KPNA3: variants seen among roughly 807,000 people sequenced by gnomAD.
The protein encoded by KPNA3 is importin subunit alpha-4.
A neutral mutation model predicts 73.8 loss-of-function variants in KPNA3; 13 were observed. The ratio of observed to expected loss-of-function variants is 0.18; its 90% confidence interval spans 0.11 to 0.28. The LOEUF (loss-of-function observed/expected upper bound fraction) is 0.28, where lower values mean the gene tolerates loss of function less well. KPNA3 is among the 10% of genes least tolerant of loss of function. KPNA3 has a pLI of 1.00. For missense variants in KPNA3, 360 were observed against 618.1 expected (o/e 0.58, Z 4.43); for synonymous variants, 186 against 206.9 (o/e 0.90, Z 0.87).
At chr13:49,787,813 G>C (rs933338630) in intron 1 of KPNA3, among the ~76,000 whole-genome samples, 1 of 152,022 alleles carries the variant, frequency 6.6e-6, no homozygotes, top group Non-Finnish European at 1.5e-5. Flanking sequence ...CCGTGTAGCT[G>C]GGACTACAGG....
intron 2 of KPNA3, among the ~76,000 whole-genome samples, chr13:49,738,216 T>A (rs970877152): frequency 6.6e-6 from 1 of 152,230 alleles, no homozygotes; most frequent in Non-Finnish European, 1.5e-5. Context: ...TGTTCCATGG[T>A]CTATGTCTTT....
At chr13:49,702,763 G>A (rs1954159500) in intron 15 of KPNA3, among the ~76,000 whole-genome samples, 1 of 152,210 alleles carries the variant, frequency 6.6e-6, no homozygotes, top group African/African-American at 2.4e-5. Flanking sequence ...ACAGAGGGAA[G>A]CTGTGGCATA....
intron 9 of KPNA3, among the ~76,000 whole-genome samples, chr13:49,720,729 C>CAAAAAA (rs10707385): frequency 3.4e-5 from 3 of 88,002 alleles, no homozygotes; most frequent in African/African-American, 1.3e-4. Flanking sequence ...GAGACTGTCT[C>CAAAAAA]AAAAAAAAAA....
intron 1 of KPNA3, among the ~76,000 whole-genome samples, chr13:49,761,763 T>C (rs572507770): frequency 1.3e-5 from 2 of 148,814 alleles, no homozygotes; most frequent in South Asian, 4.3e-4. Context: ...GGAGCGCCTC[T>C]TCCCGGCTGC....
At chr13:49,718,941 T>G (rs1027143807) in intron 10 of KPNA3, among the ~76,000 whole-genome samples, 1 of 149,350 alleles carries the variant, frequency 6.7e-6, no homozygotes, top group Non-Finnish European at 1.5e-5. Context: ...TATACACATA[T>G]GTATGTACAT....
intron 1 of KPNA3, among the ~76,000 whole-genome samples, chr13:49,787,165 ATAT>A (rs1374312892): frequency 9.9e-5 from 15 of 152,220 alleles, no homozygotes; most frequent in Admixed American, 9.8e-4. Flanking sequence ...GAGAAAATAT[ATAT>A]TAGCCCTGGT....
chr13:49,752,936 A>T (rs1954676943), intron 1 of KPNA3, among the ~76,000 whole-genome samples: 1 of 144,894 alleles, frequency 6.9e-6, no homozygotes, highest in East Asian at 2.3e-4. Context: ...CTGAGGCAGG[A>T]GAATGGCATG....
chr13:49,764,121 T>G (rs1954790904), intron 1 of KPNA3, among the ~76,000 whole-genome samples: 2 of 44,890 alleles, frequency 4.5e-5, no homozygotes, highest in African/African-American at 1.1e-4. Context: ...CTGTTGGGTT[T>G]GTTTTGTTTT....
At chr13:49,727,667 T>C (rs1219674821) in intron 6 of KPNA3, among the ~76,000 whole-genome samples, 1 of 152,024 alleles carries the variant, frequency 6.6e-6, no homozygotes, top group Non-Finnish European at 1.5e-5. Context: ...TGGATTTCAA[T>C]TTTTTTGCAC....
chr13:49,721,976 C>T lies in KPNA3; in HGVS notation c.705G>A (p.Pro235=), dbSNP rs758249475. Residue 235 remains proline (P), a synonymous_variant, in exon 9 of 17, where the codon CCG becomes CCA. Coordinates refer to ENST00000261667, the MANE Select transcript of KPNA3 (RefSeq NM_002267.4). ...VNLCRNKDPP[P]PMETVQEILP... is the part of the protein sequence containing the mutation. Reference sequence around the variant, plus strand: ...TTACCTCCTGAACTGTCTCCATAGGCGGCGGGGGATCCTTATTCCTGCAGA... The same window carrying T: ...TTACCTCCTGAACTGTCTCCATAGGTGGCGGGGGATCCTTATTCCTGCAGA... 19 of 1,598,362 alleles carry T rather than the reference C, an allele frequency of 1.2e-5. No individual in the cohort carries two copies. The Admixed American group carries it at 1.4e-4, about 12-fold the overall frequency.
intron 3 of KPNA3, 56 bp downstream of exon 3, chr13:49,732,901 T>C: frequency 7.2e-7 from 1 of 1,385,834 alleles, no homozygotes; most frequent in Non-Finnish European, 1.0e-6. Context: ...AAAATGAAGT[T>C]CTCACAGTTA....
intron 1 of KPNA3, among the ~76,000 whole-genome samples, chr13:49,760,085 C>T (rs1232128764): frequency 6.6e-6 from 1 of 152,114 alleles, no homozygotes; most frequent in South Asian, 2.1e-4. Flanking sequence ...TTTGAATTTA[C>T]AGGAAATACA....
In KPNA3 at chr13:49,705,681, T is replaced by A; in HGVS notation, c.1312A>T (p.Ile438Phe). 6.2e-7 allele frequency: 1 copy of A among 1,614,208 alleles called. No homozygotes were observed. Residue 438 changes from isoleucine to phenylalanine, a missense_variant, in exon 15 of 17, where the codon ATT becomes TTT. By Grantham distance (21) the Ile-to-Phe change is conservative. Coordinates refer to ENST00000261667, the MANE Select transcript of KPNA3 (RefSeq NM_002267.4). ...VQVVLDGLKN[I>F]LIMAGDEAST... ...GCTTCATCACCGGCCATTATCAGAA[T>A]GTTTTTTAGACCATCTAGAACCACC... is the stretch of plus-strand genomic sequence containing the variant.
chr13:49,712,625 T>C (rs575608285), intron 10 of KPNA3, among the ~76,000 whole-genome samples: 4 of 152,044 alleles, frequency 2.6e-5, no homozygotes, highest in African/African-American at 4.8e-5. Flanking sequence ...AGAAATATGT[T>C]CCAAATTTGG....
Position 49,701,425 on chromosome 13 carries a change from G to GC in KPNA3, c.*374_*375insG. On this transcript the variant is annotated 3_prime_UTR_variant, in exon 17 of 17. Transcript: ENST00000261667. ...ACTTGTATATGCATCATACCAAAGT[G>GC]TCTTGATCCACAGCGCACCATTTTC... The GC allele has an allele frequency of 2.1e-6, 1 of 468,986 alleles. No individual in the cohort carries two copies. Among genetic ancestry groups the GC allele is most frequent in the Non-Finnish European group, 4.4e-6 (1 of 226,390 alleles). The allele number at this position is 468,986 out of a possible 1,614,324, so 29.1% of individuals were successfully genotyped here. A position where few individuals can be genotyped will look rare whatever the true frequency, so the allele number is the denominator to read the frequency against.
intron 2 of KPNA3, among the ~76,000 whole-genome samples, chr13:49,739,690 GTT>G (rs1372849342): frequency 1.3e-5 from 2 of 152,112 alleles, no homozygotes; most frequent in Admixed American, 6.6e-5. Flanking sequence ...TTCTCAAACT[GTT>G]TGTTACAGTT....
At chr13:49,773,601 A>C (rs1002808267) in intron 1 of KPNA3, among the ~76,000 whole-genome samples, 1 of 152,200 alleles carries the variant, frequency 6.6e-6, no homozygotes, top group African/African-American at 2.4e-5. Flanking sequence ...TGTTATAAAT[A>C]AATAAAATTT....
chr13:49,759,004 A>T (rs968589257), intron 1 of KPNA3, among the ~76,000 whole-genome samples: 1 of 152,204 alleles, frequency 6.6e-6, no homozygotes, highest in Admixed American at 6.5e-5. Flanking sequence ...AATATCAAAG[A>T]TATTTACGAG....
At chr13:49,777,449 G>C (rs1002568012) in intron 1 of KPNA3, among the ~76,000 whole-genome samples, 2 of 152,076 alleles carry the variant, frequency 1.3e-5, no homozygotes, top group African/African-American at 4.8e-5. Flanking sequence ...ATCATCTCTA[G>C]ATTACTTATA....
Sources: gnomAD v4.1 joint callset for allele counts (sites outside exome capture counted in the v4.1 genomes callset) on GRCh38, gnomAD v4.1.1 for gene constraint, MANE v1.5 for transcripts, NCBI Gene and HGNC (gene_info 2026-07-23, HGNC 2026-07-21) for gene names.